The following PDGFRA variants were observed in gnomAD, a reference collection of about 807,000 sequenced individuals.
The protein encoded by PDGFRA is platelet derived growth factor receptor alpha.
In PDGFRA, 25 loss-of-function variants were observed where a neutral mutation model predicts 121.5. That is an observed-to-expected ratio of 0.21 (90% CI 0.15 to 0.29). The LOEUF (loss-of-function observed/expected upper bound fraction) is 0.29, where lower values mean the gene tolerates loss of function less well. PDGFRA is among the 10% of genes least tolerant of loss of function. The pLI, the probability that PDGFRA is intolerant of heterozygous loss-of-function variation, is 1.00. For synonymous variants in PDGFRA, 463 were observed against 494.8 expected (o/e 0.94, Z 0.85); for missense variants, 1,008 against 1,345.1 (o/e 0.75, Z 3.92).
In PDGFRA at chr4:54,267,328, C is replaced by T. The variant is rs757378016; in HGVS notation, c.799C>T (p.Pro267Ser). The T allele has an allele frequency of 3.4e-5, 55 of 1,614,040 alleles. 1 individual carries two copies. Among genetic ancestry groups the T allele is most frequent in the Non-Finnish European group, 4.5e-5 (53 of 1,180,016 alleles). Residue 267 changes from proline (P) to serine (S), a missense_variant, in exon 6 of 23, where the codon CCA (proline) becomes TCA (serine). By Grantham distance (74) the Pro-to-Ser change is moderately conservative (BLOSUM62 -1). Around this residue, in one of 5 missense-constraint regions of PDGFRA, gnomAD observed 575 missense variants for 701.8 expected, o/e 0.82. Transcript: ENST00000257290. ...CACAATGCTGGAAGAAATCAAAGTC[C>T]CATCCATCAAATTGGTGTACACTTT... is the stretch of plus-strand genomic sequence containing the variant. ...GITMLEEIKV[P>S]SIKLVYTLTV...
chr4:54,255,602 T>C (rs1032589527), intron 1 of PDGFRA, among the ~76,000 whole-genome samples: 3 of 150,824 alleles, frequency 2.0e-5, no homozygotes, highest in Non-Finnish European at 4.4e-5. Flanking sequence ...ACCTCCTGGG[T>C]TCACGCCATT....
rs772837015 is a variant in PDGFRA, at chr4:54,290,494, C to T, written c.3062C>T (p.Pro1021Leu). The change falls in exon 22 of 23, where the codon CCT becomes CTT. Residue 1021 changes from proline (P) to leucine (L), a missense_variant. Pro to Leu is a moderately conservative substitution (Grantham distance 98). Coordinates refer to ENST00000257290, the MANE Select transcript of PDGFRA (RefSeq NM_006206.6). ...RLSADSGYII[P>L]LPDIDPVPEE... ...AGCGCTGACAGTGGCTACATCATTCCTCTGCCTGACATTGACCCTGTCCCT... is the reference window on the plus strand; with the variant it reads ...AGCGCTGACAGTGGCTACATCATTCTTCTGCCTGACATTGACCCTGTCCCT... The T allele has an allele frequency of 1.2e-6, 2 of 1,613,988 alleles. No homozygotes were observed. Among genetic ancestry groups the T allele is most frequent in the African/African-American group, 1.3e-5 (1 of 75,050 alleles).
At chr4:54,256,713 T>C (rs1158949584) in intron 1 of PDGFRA, among the ~76,000 whole-genome samples, 1 of 151,516 alleles carries the variant, frequency 6.6e-6, no homozygotes, top group East Asian at 2.0e-4. Context: ...ATACGGGTGA[T>C]AAAGACCCCA....
In PDGFRA at chr4:54,270,812, G is replaced by A. The variant is rs1723307882; in HGVS notation, c.1237+64G>A. ...GATGAGTGTCTTCCAAGGAAAGCCT[G>A]GCACTTTTCTCCCCGGTCATGGAAG... On this transcript the variant is annotated intron_variant, in intron 8 of 22. Transcript: ENST00000257290. 4 of 926,540 alleles carry A rather than the reference G, an allele frequency of 4.3e-6. No homozygotes were observed. The South Asian group carries it at 5.3e-5, about 12-fold the overall frequency. The allele number at this position is 926,540 out of a possible 1,614,324, so 57.4% of individuals were successfully genotyped here. A position where few individuals can be genotyped will look rare whatever the true frequency, so the allele number is the denominator to read the frequency against.
At position 54,296,954 on chromosome 4, in the gene PDGFRA, C is replaced by T. The variant is rs554693190; in HGVS notation, c.*1682C>T. The T allele has an allele frequency of 4.3e-6, 1 of 233,180 alleles. No individual in the cohort carries two copies. The highest frequency in any genetic ancestry group is 6.0e-5 in the East Asian group (1 of 16,578). 14.4% of individuals were successfully genotyped at this position (233,180 alleles called of 1,614,324 possible). Reference sequence around the variant, plus strand: ...TTCCAAAAGTAAAGATGCTACTTCCCACTGTATGGGGGAGATTGAACTTTC... The same window carrying T: ...TTCCAAAAGTAAAGATGCTACTTCCTACTGTATGGGGGAGATTGAACTTTC... On this transcript the variant is annotated 3_prime_UTR_variant, in exon 23 of 23. Transcript: ENST00000257290.
At chr4:54,239,268 G>A (rs539052749) in intron 1 of PDGFRA, among the ~76,000 whole-genome samples, 26 of 152,312 alleles carry the variant, frequency 1.7e-4, no homozygotes, top group South Asian at 4.1e-4. Context: ...ATCTTCTACC[G>A]CTTGTTGAGC....
At chr4:54,289,903 G>C (rs532461788) in intron 21 of PDGFRA, among the ~76,000 whole-genome samples, 51 of 152,336 alleles carry the variant, frequency 3.3e-4, no homozygotes, top group African/African-American at 1.1e-3. Context: ...GTTGAAAATA[G>C]GGTCTTTTCA....
At chr4:54,285,814 T>C (rs2110337232) in intron 17 of PDGFRA, 27 bp from the exon 18 acceptor site, 1 of 1,613,308 alleles carries the variant, frequency 6.2e-7, no homozygotes. Context: ...GGCTTGATCC[T>C]GAGTCATTTC....
chr4:54,233,978 C>T (rs1435481132), intron 1 of PDGFRA, among the ~76,000 whole-genome samples: 1 of 152,228 alleles, frequency 6.6e-6, no homozygotes, highest in Non-Finnish European at 1.5e-5. Flanking sequence ...GGCCCGGGAA[C>T]GGCGTCGAGG....
intron 1 of PDGFRA, among the ~76,000 whole-genome samples, chr4:54,256,718 AC>A (rs1722395389): frequency 6.7e-6 from 1 of 150,360 alleles, no homozygotes; most frequent in African/African-American, 2.4e-5. Context: ...GGTGATAAAG[AC>A]CCCAGGATGC....
At chr4:54,255,075 A>G (rs571691218) in intron 1 of PDGFRA, among the ~76,000 whole-genome samples, 5 of 152,152 alleles carry the variant, frequency 3.3e-5, no homozygotes, top group Admixed American at 6.5e-5. Flanking sequence ...TGCATCACAC[A>G]GGCCTTGTAT....
chr4:54,229,400 A>G lies in PDGFRA; in HGVS notation c.-28A>G. The G allele has an allele frequency of 2.5e-6, 1 of 398,576 alleles. No individual in the cohort carries two copies. The allele number at this position is 398,576 out of a possible 1,614,324, so 24.7% of individuals were successfully genotyped here. The stretch of plus-strand genomic sequence containing the variant: ...ATGTGTGGGACATTCATTGCGGAAT[A>G]ACATCGGAGGAGAAGGTAAGGGAAA... On this transcript the variant is annotated 5_prime_UTR_variant, in exon 1 of 23. In the 5' UTR this introduces an upstream ATG that the reference lacks. Transcript: ENST00000257290.
rs1445390541 is a variant in PDGFRA, at chr4:54,281,585, G to A, written c.2323+1103G>A. 5 of 1,349,814 alleles carry A rather than the reference G, an allele frequency of 3.7e-6. No homozygotes were observed. In the Admixed American group the frequency reaches 6.6e-5, roughly 18 times the overall value. 83.6% of individuals were successfully genotyped at this position (1,349,814 alleles called of 1,614,324 possible). On this transcript the variant is annotated intron_variant, in intron 16 of 22. Transcript: ENST00000257290. Reference sequence around the variant, plus strand: ...ATAGTTTACATTGCTTCCCAGGCTGGGCTGGTGGAGTTGGCACGAGATGTC... The same window carrying A: ...ATAGTTTACATTGCTTCCCAGGCTGAGCTGGTGGAGTTGGCACGAGATGTC...
intron 22 of PDGFRA, 120 bp from the exon 23 acceptor site, chr4:54,295,005 T>C: frequency 1.0e-6 from 1 of 995,298 alleles, no homozygotes; most frequent in Non-Finnish European, 1.6e-6. Context: ...GGGCAGAATC[T>C]TGCCATACTG....
chr4:54,231,258 C>G (rs912792652), intron 1 of PDGFRA, among the ~76,000 whole-genome samples: 2 of 152,236 alleles, frequency 1.3e-5, no homozygotes, highest in African/African-American at 2.4e-5. Flanking sequence ...CCTACCGCCC[C>G]GCGTCCGAAA....
chr4:54,278,249 A>C lies in PDGFRA; in HGVS notation c.2003-113A>C, dbSNP rs1043962498. On this transcript the variant is annotated intron_variant, in intron 14 of 22. Coordinates refer to ENST00000257290, the MANE Select transcript of PDGFRA (RefSeq NM_006206.6). ...AAAAAAAAAAAAAAAAAAAAAAAAA[A>C]AAAACTTTTTTGGTATCTTATTTTT... 28 of 571,842 alleles carry C rather than the reference A, an allele frequency of 4.9e-5. No homozygotes were observed. The African/African-American group carries it at 7.4e-4, about 15-fold the overall frequency. The allele number at this position is 571,842 out of a possible 1,614,324, so 35.4% of individuals were successfully genotyped here.
intron 16 of PDGFRA, among the ~76,000 whole-genome samples, chr4:54,282,235 G>C (rs1261288348): frequency 6.6e-6 from 1 of 152,058 alleles, no homozygotes; most frequent in Non-Finnish European, 1.5e-5. Context: ...CTTGAGACTG[G>C]GTAATTTATA....
intron 2 of PDGFRA, 68 bp from the exon 3 acceptor site, chr4:54,261,027 C>T: frequency 7.2e-7 from 1 of 1,383,456 alleles, no homozygotes; most frequent in Non-Finnish European, 1.0e-6. Flanking sequence ...ACTGTTGCTT[C>T]TCTCAGTTGT....
intron 7 of PDGFRA, among the ~76,000 whole-genome samples, chr4:54,269,946 C>G (rs1226243049): frequency 6.6e-6 from 1 of 151,802 alleles, no homozygotes; most frequent in Non-Finnish European, 1.5e-5. Context: ...GTCATCACAC[C>G]CAGCCTATAA....
Sources: gnomAD v4.1 joint callset for allele counts (sites outside exome capture counted in the v4.1 genomes callset) on GRCh38, gnomAD v4.1.1 for gene constraint, gnomAD v4.1.1 regional missense constraint, MANE v1.5 for transcripts, NCBI Gene and HGNC (gene_info 2026-07-23, HGNC 2026-07-21) for gene names.